Variants in GPHN observed in about 807,000 individuals in gnomAD.
GPHN encodes gephyrin.
GPHN carries 17 observed loss-of-function variants against 95.5 expected under a neutral mutation model. That is an observed-to-expected ratio of 0.18 (90% CI 0.12 to 0.27). The LOEUF (loss-of-function observed/expected upper bound fraction) is 0.27, where lower values mean the gene tolerates loss of function less well. Among genes scored for constraint, GPHN ranks in the 10% least tolerant of loss-of-function variants. The pLI, the probability that GPHN is intolerant of heterozygous loss-of-function variation, is 1.00. For missense variants in GPHN, 660 were observed against 978.1 expected (o/e 0.67, Z 4.34); for synonymous variants, 320 against 322.5 (o/e 0.99, Z 0.08).
Position 67,108,524 on chromosome 14 carries a change from A to G in GPHN, c.1294-1616A>G, listed in dbSNP as rs140958745. On this transcript the variant is annotated intron_variant, in intron 13 of 22. Transcript: ENST00000478722. ...CTTTGTAAGGCTTATATTCTGTAAT[A>G]TATAATGCACTTAACATTGTACCTA... is the stretch of plus-strand genomic sequence containing the variant. Among the ~76,000 whole-genome samples, 453 of 152,334 alleles carry G rather than the reference A, an allele frequency of 3.0e-3. 3 individuals are homozygous for G. Among genetic ancestry groups the G allele is most frequent in the African/African-American group, 0.01 (435 of 41,574 alleles).
At chr14:66,568,506 G>T (rs1421217554) in intron 1 of GPHN, among the ~76,000 whole-genome samples, 7 of 151,970 alleles carry the variant, frequency 4.6e-5, no homozygotes, top group African/African-American at 1.7e-4. Context: ...ACTTATTTTT[G>T]TTTTTTATTT....
the GPHN span, among the ~76,000 whole-genome samples, chr14:67,502,194 G>A: frequency 6.6e-6 from 1 of 151,834 alleles, no homozygotes; most frequent in African/African-American, 2.4e-5. Flanking sequence ...AGCTGGGTAT[G>A]GTGGCATGCG....
At chr14:67,656,913 C>T in the GPHN span, among the ~76,000 whole-genome samples, 1 of 152,186 alleles carries the variant, frequency 6.6e-6, no homozygotes, top group Non-Finnish European at 1.5e-5. Flanking sequence ...CCTGGACTAT[C>T]AACTTCTGAA....
At chr14:67,340,456 G>A in the GPHN span, 5 of 1,613,428 alleles carry the variant, frequency 3.1e-6, no homozygotes, top group East Asian at 2.2e-5. Context: ...AACTCTTCTC[G>A]CTCTCTCTCA....
At chr14:66,564,839 A>G (rs2060397061) in intron 1 of GPHN, among the ~76,000 whole-genome samples, 1 of 152,126 alleles carries the variant, frequency 6.6e-6, no homozygotes, top group African/African-American at 2.4e-5. Context: ...TACACACCCT[A>G]CTATCAAATA....
At chr14:67,336,227 G>C in the GPHN span, 5 of 152,122 alleles carry the variant, frequency 3.3e-5, no homozygotes, top group Admixed American at 3.3e-4. Flanking sequence ...TTTTTCTGCT[G>C]TACATCTCCC....
intron 11 of GPHN, among the ~76,000 whole-genome samples, chr14:67,065,925 A>G (rs2076038952): frequency 6.6e-6 from 1 of 152,044 alleles, no homozygotes; most frequent in African/African-American, 2.4e-5. Context: ...TGGGGCATTT[A>G]GCCTATTTAC....
At chr14:67,687,866 G>A in the GPHN span, among the ~76,000 whole-genome samples, 2 of 151,580 alleles carry the variant, frequency 1.3e-5, no homozygotes, top group Admixed American at 6.6e-5. Context: ...CTCTGTCCCA[G>A]GTTCAGGCGA....
At chr14:66,836,276 A>G (rs1408570293) in intron 4 of GPHN, among the ~76,000 whole-genome samples, 1 of 137,150 alleles carries the variant, frequency 7.3e-6, no homozygotes, top group African/African-American at 3.3e-5. Flanking sequence ...CAGAGCCCTC[A>G]GAAATAACAC....
chr14:67,133,210 T>G (rs2079836491), intron 17 of GPHN, among the ~76,000 whole-genome samples: 1 of 152,184 alleles, frequency 6.6e-6, no homozygotes, highest in Admixed American at 6.5e-5. Context: ...AGCTATTTTT[T>G]GTTACCTTGG....
the GPHN span, among the ~76,000 whole-genome samples, chr14:67,676,465 C>G: frequency 6.6e-6 from 1 of 151,940 alleles, no homozygotes; most frequent in Non-Finnish European, 1.5e-5. Flanking sequence ...GGTGCTGCGG[C>G]TCACACCTGT....
chr14:66,655,661 CT>C (rs553551938), intron 1 of GPHN, among the ~76,000 whole-genome samples: 231 of 145,556 alleles, frequency 1.6e-3, no homozygotes, highest in African/African-American at 3.8e-3. Context: ...GAGCATATAT[CT>C]TTTTTTTTTT....
chr14:66,821,049 G>T (rs966069002), intron 3 of GPHN, among the ~76,000 whole-genome samples: 1 of 152,160 alleles, frequency 6.6e-6, no homozygotes, highest in African/African-American at 2.4e-5. Context: ...CTTTTCATAA[G>T]TTGCTTTCAT....
intron 1 of GPHN, among the ~76,000 whole-genome samples, chr14:66,643,218 C>A (rs2064532775): frequency 6.6e-6 from 1 of 152,014 alleles, no homozygotes; most frequent in East Asian, 1.9e-4. Context: ...TTTCTACACA[C>A]CCACCAGAGT....
chr14:66,517,617 G>A (rs891655410), intron 1 of GPHN, among the ~76,000 whole-genome samples: 50 of 152,124 alleles, frequency 3.3e-4, no homozygotes, highest in Admixed American at 1.1e-3. Flanking sequence ...GAACAGAATC[G>A]AGAACCCAGA....
At chr14:67,640,662 A>G in the GPHN span, among the ~76,000 whole-genome samples, 1,789 of 152,264 alleles carry the variant, frequency 0.012, 46 homozygotes, top group African/African-American at 0.04. Flanking sequence ...TTTCCCACCA[A>G]TACCAGGACC....
chr14:67,391,437 G>A, the GPHN span, among the ~76,000 whole-genome samples: 8 of 151,976 alleles, frequency 5.3e-5, no homozygotes, highest in South Asian at 2.1e-4. Context: ...TCCTCCCCTC[G>A]GGAAGGACTC....
At chr14:67,060,609 A>G (rs1361693847) in intron 11 of GPHN, among the ~76,000 whole-genome samples, 1 of 152,244 alleles carries the variant, frequency 6.6e-6, no homozygotes. Flanking sequence ...GCAAAGATGA[A>G]TAAAAATAAA....
At chr14:66,797,297 A>T (rs1410985183) in intron 3 of GPHN, among the ~76,000 whole-genome samples, 1 of 151,610 alleles carries the variant, frequency 6.6e-6, no homozygotes, top group Non-Finnish European at 1.5e-5. Context: ...TTTCCTTAGG[A>T]TAGCTGTGGC....
Sources: gnomAD v4.1 joint callset for allele counts (sites outside exome capture counted in the v4.1 genomes callset) on GRCh38, gnomAD v4.1.1 for gene constraint, MANE v1.5 for transcripts, NCBI Gene and HGNC (gene_info 2026-07-23, HGNC 2026-07-21) for gene names.